CWC27: variants seen among roughly 807,000 people sequenced by gnomAD.
CWC27 encodes the protein CWC27 spliceosome associated cyclophilin.
CWC27 carries 47 observed loss-of-function variants against 63.6 expected under a neutral mutation model. The observed-to-expected ratio is 0.74, with a 90% CI of 0.58 to 0.94. The LOEUF is 0.94. Among genes scored for constraint, CWC27 ranks in the 40% least tolerant of loss-of-function variants. CWC27 has a pLI of 0.00. For synonymous variants in CWC27, 175 were observed against 179.8 expected (o/e 0.97, Z 0.22); for missense variants, 495 against 554.3 (o/e 0.89, Z 1.07).
At chr5:64,963,468 T>C (rs1206406972) in intron 11 of CWC27, among the ~76,000 whole-genome samples, 1 of 152,186 alleles carries the variant, frequency 6.6e-6, no homozygotes, top group African/African-American at 2.4e-5. Flanking sequence ...CTAAGGAAAT[T>C]ACTCAGAGTA....
rs1186944777 is a variant in CWC27 at position 64,783,938 on chromosome 5, C to T, written c.355C>T (p.Arg119Ter). 4 of 1,600,400 alleles carry T rather than the reference C, an allele frequency of 2.5e-6. No individual in the cohort carries two copies. Among genetic ancestry groups the T allele is most frequent in the East Asian group, 2.3e-5 (1 of 43,614 alleles). The change falls in exon 4 of 14, where the codon CGA (arginine) becomes TGA (stop). Residue 119 changes from arginine to a stop codon, truncating the protein, a stop_gained. Coordinates refer to ENST00000381070, the MANE Select transcript of CWC27 (RefSeq NM_005869.4). LOFTEE classifies it high-confidence loss of function. ...NGSQFFFTLG[R>*]ADELNNKHTI... ...CAGCCAGTTTTTCTTCACACTGGGT[C>T]GAGCAGATGAACTTAACAATAAGCA...
chr5:64,936,884 C>T (rs1002438741), intron 11 of CWC27, among the ~76,000 whole-genome samples: 1 of 152,148 alleles, frequency 6.6e-6, no homozygotes, highest in African/African-American at 2.4e-5. Flanking sequence ...AGTTTATTTG[C>T]ATAGAGGTAT....
intron 13 of CWC27, among the ~76,000 whole-genome samples, chr5:64,995,543 TTATTA>T (rs1749615736): frequency 6.6e-6 from 1 of 152,190 alleles, no homozygotes; most frequent in South Asian, 2.1e-4. Flanking sequence ...TTGATTTGCT[TTATTA>T]TATTAGGTCA....
At chr5:64,912,934 A>G (rs372829345) in intron 11 of CWC27, among the ~76,000 whole-genome samples, 126 of 152,312 alleles carry the variant, frequency 8.3e-4, no homozygotes, top group African/African-American at 2.9e-3. Context: ...TGAAGCCAAC[A>G]TAATCTTGAT....
chr5:64,916,752 T>C (rs894334144), intron 11 of CWC27, among the ~76,000 whole-genome samples: 3 of 152,306 alleles, frequency 2.0e-5, no homozygotes, highest in African/African-American at 7.2e-5. Context: ...AACATACCTA[T>C]AACACTTGGC....
intron 11 of CWC27, among the ~76,000 whole-genome samples, chr5:64,901,258 G>A (rs1022949006): frequency 6.6e-6 from 1 of 151,848 alleles, no homozygotes; most frequent in African/African-American, 2.4e-5. Context: ...AAAAGAGATG[G>A]AGACCATCCT....
At chr5:64,812,946 A>C (rs563411924) in intron 10 of CWC27, among the ~76,000 whole-genome samples, 1 of 152,152 alleles carries the variant, frequency 6.6e-6, no homozygotes, top group African/African-American at 2.4e-5. Context: ...CCAGATTTAA[A>C]AGGGTTGAAC....
At chr5:64,846,103 C>A (rs1410842324) in intron 10 of CWC27, among the ~76,000 whole-genome samples, 1 of 152,142 alleles carries the variant, frequency 6.6e-6, no homozygotes, top group Non-Finnish European at 1.5e-5. Flanking sequence ...AAAACAAACA[C>A]AAAAACTACC....
chr5:64,868,063 A>G (rs901167156), intron 10 of CWC27, among the ~76,000 whole-genome samples: 6 of 152,024 alleles, frequency 3.9e-5, no homozygotes, highest in Admixed American at 3.9e-4. Context: ...AATAAATGTA[A>G]AATCAGAGTG....
chr5:64,853,555 G>A (rs1477595274), intron 10 of CWC27, among the ~76,000 whole-genome samples: 1 of 152,166 alleles, frequency 6.6e-6, no homozygotes, highest in Non-Finnish European at 1.5e-5. Flanking sequence ...GGTAAGTAAT[G>A]TCTAAGGAAA....
At chr5:64,927,838 C>T (rs1297096351) in intron 11 of CWC27, among the ~76,000 whole-genome samples, 1 of 152,172 alleles carries the variant, frequency 6.6e-6, no homozygotes, top group Non-Finnish European at 1.5e-5. Flanking sequence ...AACTTCTCAA[C>T]CTTAATGAAA....
At chr5:64,833,042 A>G (rs1377020352) in intron 10 of CWC27, among the ~76,000 whole-genome samples, 1 of 151,874 alleles carries the variant, frequency 6.6e-6, no homozygotes, top group Non-Finnish European at 1.5e-5. Context: ...AAGTGAACTT[A>G]TAATAGTATT....
intron 13 of CWC27, among the ~76,000 whole-genome samples, chr5:65,017,756 G>A (rs1750075500): frequency 6.6e-6 from 1 of 152,146 alleles, no homozygotes; most frequent in Non-Finnish European, 1.5e-5. Context: ...AATCAGATAG[G>A]GCTGGCTTAT....
rs202198405 is a variant in CWC27, at chr5:64,970,771, TG to T, written c.1043-931del. Among the ~76,000 whole-genome samples, 17 of 151,988 alleles carry T rather than the reference TG, an allele frequency of 1.1e-4. No individual in the cohort carries two copies. The East Asian group carries it at 1.5e-3, about 14-fold the overall frequency. Reference sequence around the variant, plus strand: ...TGTTTCTTAGTTCAAATTTTTTTTTTGACCAGAAAATCTCTTGAACAAAATG... The same window carrying T: ...TGTTTCTTAGTTCAAATTTTTTTTTTACCAGAAAATCTCTTGAACAAAATG... On this transcript the variant is annotated intron_variant, in intron 11 of 13. Transcript: ENST00000381070.
intron 7 of CWC27, among the ~76,000 whole-genome samples, chr5:64,797,365 C>T (rs890401097): frequency 1.3e-5 from 2 of 152,124 alleles, no homozygotes; most frequent in Non-Finnish European, 2.9e-5. Flanking sequence ...AGGATTGTCT[C>T]CTAATTTCTT....
intron 1 of CWC27, among the ~76,000 whole-genome samples, chr5:64,771,863 A>T (rs1018473563): frequency 6.6e-6 from 1 of 152,090 alleles, no homozygotes; most frequent in African/African-American, 2.4e-5. Flanking sequence ...AGATTAAGAA[A>T]CCCTGGTGAG....
At chr5:64,869,180 T>A (rs1174959721) in intron 10 of CWC27, among the ~76,000 whole-genome samples, 3 of 152,076 alleles carry the variant, frequency 2.0e-5, no homozygotes. Flanking sequence ...TGTATCTCAT[T>A]TTGGTTTAAT....
intron 10 of CWC27, among the ~76,000 whole-genome samples, chr5:64,819,741 G>T (rs1745142724): frequency 6.6e-6 from 1 of 152,112 alleles, no homozygotes; most frequent in South Asian, 2.1e-4. Context: ...GCGTGAGAAT[G>T]GACTAATACG....
At chr5:64,946,440 G>A (rs565335323) in intron 11 of CWC27, among the ~76,000 whole-genome samples, 1 of 152,244 alleles carries the variant, frequency 6.6e-6, no homozygotes, top group South Asian at 2.1e-4. Flanking sequence ...GGCACCTTTG[G>A]TAGATACCAG....
Sources: gnomAD v4.1 joint callset for allele counts (sites outside exome capture counted in the v4.1 genomes callset) on GRCh38, gnomAD v4.1.1 for gene constraint, MANE v1.5 for transcripts, NCBI Gene and HGNC (gene_info 2026-07-23, HGNC 2026-07-21) for gene names.